The following SRRM4 variants were observed in gnomAD, a reference collection of about 807,000 sequenced individuals.
The protein encoded by SRRM4 is serine/arginine repetitive matrix protein 4.
Under a neutral mutation model 68.9 loss-of-function variants are expected in SRRM4, and 33 were observed. That is an observed-to-expected ratio of 0.48 (90% CI 0.36 to 0.64). SRRM4 has a LOEUF of 0.64. Ranked by LOEUF, SRRM4 falls within the 30% of genes least tolerant of loss-of-function variation. The pLI, the probability that SRRM4 is intolerant of heterozygous loss-of-function variation, is 0.00. For synonymous variants in SRRM4, 318 were observed against 318.8 expected (o/e 1.00, Z 0.03); for missense variants, 817 against 827.1 (o/e 0.99, Z 0.15).
chr12:119,152,507 C>G (rs1565920432), intron 10 of SRRM4, among the ~76,000 whole-genome samples: 1 of 151,548 alleles, frequency 6.6e-6, no homozygotes, highest in Non-Finnish European at 1.5e-5. Flanking sequence ...ACATTATTAA[C>G]AAAAAAAAGA....
chr12:119,096,717 T>G (rs1954047647), intron 1 of SRRM4, among the ~76,000 whole-genome samples: 1 of 152,200 alleles, frequency 6.6e-6, no homozygotes, highest in Admixed American at 6.5e-5. Context: ...GCTCCACCAT[T>G]GTTGGTCTCT....
At chr12:119,096,596 CTAGCCAGAGCTATGATATGA>C (rs750769587) in intron 1 of SRRM4, among the ~76,000 whole-genome samples, 4 of 152,206 alleles carry the variant, frequency 2.6e-5, no homozygotes, top group Non-Finnish European at 5.9e-5. Flanking sequence ...GGCAACTCTA[CTAGCCAGAGCTATGATATGA>C]GTCACTATTT....
intron 8 of SRRM4, among the ~76,000 whole-genome samples, chr12:119,141,725 C>T (rs1954366497): frequency 6.6e-6 from 1 of 152,164 alleles, no homozygotes; most frequent in Admixed American, 6.5e-5. Flanking sequence ...TGCTGGGGTG[C>T]AACATTGAAC....
At chr12:119,041,073 G>A (rs945503479) in intron 1 of SRRM4, among the ~76,000 whole-genome samples, 11 of 151,930 alleles carry the variant, frequency 7.2e-5, no homozygotes, top group Admixed American at 2.0e-4. Flanking sequence ...TTGACTACTC[G>A]TTATATCCAG....
chr12:119,088,665 TG>T (rs1565905617), intron 1 of SRRM4, among the ~76,000 whole-genome samples: 1 of 74,500 alleles, frequency 1.3e-5, no homozygotes, highest in African/African-American at 5.3e-5. Context: ...TGATTCCTTT[TG>T]GGGGGCGTGG....
intron 1 of SRRM4, among the ~76,000 whole-genome samples, chr12:119,083,169 G>C (rs1264039827): frequency 2.6e-5 from 4 of 151,932 alleles, no homozygotes; most frequent in Non-Finnish European, 5.9e-5. Context: ...AGCCAGTGTT[G>C]TCACTGACCT....
intron 1 of SRRM4, among the ~76,000 whole-genome samples, chr12:119,027,207 C>A (rs1308493573): frequency 2.0e-5 from 3 of 152,174 alleles, no homozygotes; most frequent in Non-Finnish European, 4.4e-5. Flanking sequence ...CACTGGATCA[C>A]CCACCCACCC....
intron 7 of SRRM4, among the ~76,000 whole-genome samples, chr12:119,126,223 C>T (rs192700155): frequency 2.3e-3 from 350 of 151,726 alleles, no homozygotes; most frequent in African/African-American, 7.7e-3. Flanking sequence ...AGGGTTTCAC[C>T]GTGTTGGCCA....
intron 1 of SRRM4, among the ~76,000 whole-genome samples, chr12:119,074,262 C>T (rs1267671908): frequency 6.6e-6 from 1 of 152,084 alleles, no homozygotes; most frequent in Non-Finnish European, 1.5e-5. Flanking sequence ...CATGCAGGCC[C>T]CTTTACCCAC....
chr12:119,113,815 G>T (rs1206533018), intron 2 of SRRM4, among the ~76,000 whole-genome samples: 2 of 152,068 alleles, frequency 1.3e-5, no homozygotes, highest in East Asian at 1.9e-4. Context: ...TACGTATCTC[G>T]TTACATTAGA....
intron 1 of SRRM4, among the ~76,000 whole-genome samples, chr12:118,985,211 A>G (rs1647281316): frequency 6.6e-6 from 1 of 152,198 alleles, no homozygotes; most frequent in South Asian, 2.1e-4. Flanking sequence ...GAGGCAGGGT[A>G]GAGAGTGGTC....
intron 7 of SRRM4, among the ~76,000 whole-genome samples, chr12:119,129,564 G>A (rs181234503): frequency 9.6e-4 from 146 of 152,280 alleles, no homozygotes; most frequent in African/African-American, 3.3e-3. Flanking sequence ...AACACAGATG[G>A]ACACACCCAG....
intron 1 of SRRM4, among the ~76,000 whole-genome samples, chr12:119,026,618 G>T (rs895857083): frequency 6.6e-6 from 1 of 151,966 alleles, no homozygotes; most frequent in African/African-American, 2.4e-5. Context: ...GCGCGACGTT[G>T]GCTCACCACA....
Position 119,156,665 on chromosome 12 carries a change from G to A in SRRM4, c.1703G>A (p.Ser568Asn), listed in dbSNP as rs1159819110. ...AGACGGAGCCGGACCCGCACGAGCA[G>A]CAGCTCTAGCTCCCGCAGCCCTAGT... ...SRRRSRTRTS[S>N]SSSSRSPSPG... is the part of the protein sequence containing the mutation. Residue 568 changes from serine to asparagine, a missense_variant, in exon 13 of 13, where the codon AGC (serine) becomes AAC (asparagine). Transcript: ENST00000267260. 3.2e-6 allele frequency: 5 copies of A among 1,570,640 alleles called. No homozygotes were observed. The East Asian group carries it at 1.2e-4, about 37-fold the overall frequency.
intron 10 of SRRM4, 98 bp downstream of exon 10, chr12:119,151,318 G>C: frequency 8.6e-7 from 1 of 1,168,138 alleles, no homozygotes; most frequent in Non-Finnish European, 1.3e-6. Context: ...GAAGTCAGAC[G>C]GACTTAGGTT....
chr12:119,074,191 G>A lies in SRRM4; in HGVS notation c.132-28045G>A, dbSNP rs144729718. 5.2e-4 allele frequency among the ~76,000 whole-genome samples: 37 copies of A among 71,168 alleles called. 1 individual carries two copies. Among genetic ancestry groups the A allele is most frequent in the African/African-American group, 2.0e-3 (35 of 17,074 alleles). 46.7% of individuals were successfully genotyped at this position (71,168 alleles called of 152,430 possible). The stretch of plus-strand genomic sequence containing the variant: ...CTCTGAATGCTTGCCAATGGACTTA[G>A]GAAAGGGAAACGGTGAAAAAAAAAA... On this transcript the variant is annotated intron_variant, in intron 1 of 12. Transcript: ENST00000267260.
At chr12:119,048,660 G>C (rs1953722835) in intron 1 of SRRM4, among the ~76,000 whole-genome samples, 1 of 152,106 alleles carries the variant, frequency 6.6e-6, no homozygotes, top group Admixed American at 6.5e-5. Context: ...GCTGGGTGCA[G>C]TGGCCTGTAA....
intron 1 of SRRM4, among the ~76,000 whole-genome samples, chr12:119,019,022 T>G (rs1307105672): frequency 6.6e-6 from 1 of 152,134 alleles, no homozygotes; most frequent in African/African-American, 2.4e-5. Flanking sequence ...CAGGGAACTT[T>G]CCCAGAACTG....
At chr12:119,103,867 G>A (rs1241185326) in intron 2 of SRRM4, among the ~76,000 whole-genome samples, 1 of 152,170 alleles carries the variant, frequency 6.6e-6, no homozygotes, top group Non-Finnish European at 1.5e-5. Context: ...AGCCAGGTGT[G>A]ATGGTGCACA....
Sources: allele counts gnomAD v4.1 joint callset (sites outside exome capture counted in the v4.1 genomes callset), GRCh38; gene constraint gnomAD v4.1.1; transcripts MANE v1.5; gene names NCBI Gene and HGNC (gene_info 2026-07-23, HGNC 2026-07-21).